The following QTMAN variants were observed in gnomAD, a reference collection of about 807,000 sequenced individuals.
The protein encoded by QTMAN is queuosine-tRNA mannosyltransferase.
the QTMAN span, among the ~76,000 whole-genome samples, chr2:144,004,273 C>A: frequency 6.6e-6 from 1 of 152,002 alleles, no homozygotes; most frequent in African/African-American, 2.4e-5. Flanking sequence ...AGAAACACAA[C>A]CCTGGTCATT....
chr2:144,321,828 G>A, the QTMAN span, among the ~76,000 whole-genome samples: 6 of 151,876 alleles, frequency 4.0e-5, no homozygotes, highest in Admixed American at 2.6e-4. Context: ...GGCTGGACTC[G>A]AATTCCTGGG....
the QTMAN span, among the ~76,000 whole-genome samples, chr2:144,268,292 A>T: frequency 6.6e-6 from 1 of 152,150 alleles, no homozygotes; most frequent in Non-Finnish European, 1.5e-5. Context: ...TGCTGGTGCC[A>T]TGTTTCTTGT....
chr2:143,945,632 C>A, the QTMAN span: 2 of 152,202 alleles, frequency 1.3e-5, no homozygotes, highest in Non-Finnish European at 1.5e-5. Context: ...ATCTTAGATG[C>A]CTGCTAGGCC....
chr2:144,302,553 G>T, the QTMAN span, among the ~76,000 whole-genome samples: 1 of 152,148 alleles, frequency 6.6e-6, no homozygotes, highest in Non-Finnish European at 1.5e-5. Context: ...CCACACGGAA[G>T]ATCAGGATAC....
At chr2:144,257,384 A>G in the QTMAN span, among the ~76,000 whole-genome samples, 14 of 152,190 alleles carry the variant, frequency 9.2e-5, no homozygotes, top group African/African-American at 3.1e-4. Flanking sequence ...AAACATGTCT[A>G]TACCACAGAA....
the QTMAN span, among the ~76,000 whole-genome samples, chr2:143,982,861 A>T: frequency 6.6e-6 from 1 of 150,764 alleles, no homozygotes; most frequent in East Asian, 1.9e-4. Context: ...CTCAAAAAAA[A>T]AAAAAAAAAA....
the QTMAN span, among the ~76,000 whole-genome samples, chr2:144,050,206 A>AT: frequency 2.0e-5 from 3 of 152,190 alleles, no homozygotes; most frequent in Admixed American, 6.5e-5. Context: ...AATTAACTCT[A>AT]TGTAGACAAT....
the QTMAN span, chr2:144,128,267 G>A: frequency 6.6e-6 from 1 of 151,954 alleles, no homozygotes; most frequent in African/African-American, 2.4e-5. Flanking sequence ...TTCAAATGCT[G>A]GAAACTCTTA....
At chr2:144,072,032 T>C in the QTMAN span, among the ~76,000 whole-genome samples, 1 of 152,204 alleles carries the variant, frequency 6.6e-6, no homozygotes, top group African/African-American at 2.4e-5. Flanking sequence ...GAGATTCTAC[T>C]AAATCTACAA....
the QTMAN span, chr2:144,145,883 G>A: frequency 2.7e-5 from 10 of 369,122 alleles, no homozygotes; most frequent in East Asian, 3.8e-4. Context: ...TTAATACCAT[G>A]TAGCAGCATT....
chr2:144,274,858 T>A, the QTMAN span, among the ~76,000 whole-genome samples: 6 of 152,072 alleles, frequency 3.9e-5, no homozygotes, highest in Admixed American at 2.0e-4. Flanking sequence ...GAAGCACAGA[T>A]CACAACCAGG....
the QTMAN span, among the ~76,000 whole-genome samples, chr2:144,234,516 C>T: frequency 6.6e-6 from 1 of 152,116 alleles, no homozygotes; most frequent in South Asian, 2.1e-4. Context: ...AGCTCAGCAT[C>T]ATCTAGAAGC....
At chr2:143,947,713 C>A in the QTMAN span, among the ~76,000 whole-genome samples, 1 of 152,170 alleles carries the variant, frequency 6.6e-6, no homozygotes, top group Non-Finnish European at 1.5e-5. Flanking sequence ...CACCTAGAAT[C>A]AGGTTGCAAA....
At chr2:144,163,918 A>AGTTTGTTT in the QTMAN span, among the ~76,000 whole-genome samples, 59 of 151,574 alleles carry the variant, frequency 3.9e-4, no homozygotes, top group African/African-American at 1.4e-3. Context: ...ATTTAGGGAA[A>AGTTTGTTT]GTTTGTTTGT....
the QTMAN span, among the ~76,000 whole-genome samples, chr2:144,078,769 T>C: frequency 6.6e-6 from 1 of 152,150 alleles, no homozygotes; most frequent in African/African-American, 2.4e-5. Flanking sequence ...ATAAAAATAT[T>C]ATCTTGAAAT....
At chr2:143,961,346 C>A in the QTMAN span, among the ~76,000 whole-genome samples, 3 of 152,102 alleles carry the variant, frequency 2.0e-5, no homozygotes, top group Non-Finnish European at 2.9e-5. Context: ...TACCACACTC[C>A]AAATCATGAC....
At chr2:144,316,962 G>C in the QTMAN span, among the ~76,000 whole-genome samples, 2 of 152,138 alleles carry the variant, frequency 1.3e-5, 1 homozygote, top group Non-Finnish European at 2.9e-5. Context: ...AGTTGCACCT[G>C]TTTCAAGATT....
chr2:144,287,438 CAAAA>C, the QTMAN span, among the ~76,000 whole-genome samples: 1 of 70,696 alleles, frequency 1.4e-5, no homozygotes, highest in African/African-American at 5.7e-5. Flanking sequence ...GACTCTGTCT[CAAAA>C]AAAAAAAAAA....
the QTMAN span, among the ~76,000 whole-genome samples, chr2:144,160,074 C>A: frequency 6.6e-6 from 1 of 151,914 alleles, no homozygotes; most frequent in African/African-American, 2.4e-5. Context: ...AGACAAGTTG[C>A]AAAGAAAGTC....
Sources: gnomAD v4.1 joint callset for allele counts (sites outside exome capture counted in the v4.1 genomes callset) on GRCh38, gnomAD v4.1.1 for gene constraint, MANE v1.5 for transcripts, NCBI Gene and HGNC (gene_info 2026-07-23, HGNC 2026-07-21) for gene names.